The following DNAAF9 variants were observed in gnomAD, a reference collection of about 807,000 sequenced individuals.
DNAAF9 encodes the protein dynein axonemal assembly factor 9, also known as shulin.
Under a neutral mutation model 167.0 loss-of-function variants are expected in DNAAF9, and 90 were observed. The ratio of observed to expected loss-of-function variants is 0.54; its 90% CI spans 0.45 to 0.64. The LOEUF is 0.64. DNAAF9 is among the 30% of genes least tolerant of loss of function. DNAAF9 has a pLI of 0.00. For missense variants in DNAAF9, 1,315 were observed against 1,442.2 expected, an observed-to-expected ratio of 0.91 and a Z score of 1.43; for synonymous variants, 491 against 508.8, an observed-to-expected ratio of 0.96 and a Z score of 0.47.
intron 27 of DNAAF9, among the ~76,000 whole-genome samples, chr20:3,284,383 T>A (rs6051712): frequency 0.21 from 31,252 of 151,840 alleles, 3,517 homozygotes; most frequent in African/African-American, 0.28. Context: ...GGTTTCCTCA[T>A]GTTGCTCAGG....
intron 23 of DNAAF9, chr20:3,296,262 CTG>C: frequency 4.6e-6 from 2 of 435,522 alleles, no homozygotes; most frequent in Non-Finnish European, 9.0e-6. Flanking sequence ...GAGTAAGACA[CTG>C]GGCGCCCCCC....
At chr20:3,341,146 TC>T (rs2070077310) in intron 9 of DNAAF9, among the ~76,000 whole-genome samples, 1 of 152,004 alleles carries the variant, frequency 6.6e-6, no homozygotes. Context: ...TTCCTCCCTG[TC>T]CTCTTGGCTG....
chr20:3,341,846 C>T (rs1165174893), intron 9 of DNAAF9, among the ~76,000 whole-genome samples: 4 of 152,044 alleles, frequency 2.6e-5, no homozygotes, highest in African/African-American at 7.2e-5. Flanking sequence ...GGCGCGATCT[C>T]GGCTCACTGC....
chr20:3,325,143 T>C (rs546278200), intron 13 of DNAAF9, among the ~76,000 whole-genome samples, 175 bp from the exon 14 acceptor site: 2 of 152,270 alleles, frequency 1.3e-5, no homozygotes, highest in East Asian at 3.9e-4. Flanking sequence ...AAGTATCATG[T>C]TAAGGGAAAG....
intron 1 of DNAAF9, among the ~76,000 whole-genome samples, chr20:3,389,273 G>C (rs1332785932): frequency 6.6e-6 from 1 of 151,964 alleles, no homozygotes; most frequent in Non-Finnish European, 1.5e-5. Flanking sequence ...AGCCTCTTGA[G>C]TAGCTGGGGC....
At chr20:3,264,250 A>T (rs1403644090) in intron 31 of DNAAF9, among the ~76,000 whole-genome samples, 188 bp downstream of exon 31, 2 of 152,260 alleles carry the variant, frequency 1.3e-5, no homozygotes, top group African/African-American at 4.8e-5. Context: ...TTTGGAGCCC[A>T]AGAGGTGGAG....
chr20:3,285,418 C>T (rs1307500241), intron 27 of DNAAF9, among the ~76,000 whole-genome samples: 1 of 152,088 alleles, frequency 6.6e-6, no homozygotes, highest in Admixed American at 6.6e-5. Flanking sequence ...GTGGCTCACA[C>T]CTGTAATCCC....
intron 10 of DNAAF9, among the ~76,000 whole-genome samples, chr20:3,333,865 G>C (rs969096761): frequency 6.6e-6 from 1 of 152,074 alleles, no homozygotes; most frequent in Non-Finnish European, 1.5e-5. Context: ...CAGTAGAATG[G>C]GATCTATACA....
At chr20:3,297,094 A>T (rs748757590) in intron 22 of DNAAF9, 145 bp from the exon 23 acceptor site, 1 of 623,512 alleles carries the variant, frequency 1.6e-6, no homozygotes, top group Non-Finnish European at 2.9e-6. Flanking sequence ...TCAAAAATAG[A>T]GGCCTGAAGC....
chr20:3,318,104 C>CTT (rs751838555), intron 17 of DNAAF9, among the ~76,000 whole-genome samples, 185 bp downstream of exon 17: 6 of 132,840 alleles, frequency 4.5e-5, no homozygotes, highest in South Asian at 2.4e-4. Flanking sequence ...TAATGTTTCT[C>CTT]TTTTTTTTTT....
In DNAAF9 at chr20:3,392,512, G is replaced by T. The variant is rs1022734438; in HGVS notation, c.84-10006C>A. On this transcript the variant is annotated intron_variant, in intron 1 of 36. Coordinates refer to ENST00000252032, the MANE Select transcript of DNAAF9 (RefSeq NM_001009984.3). Reference sequence around the variant, plus strand: ...ACATCATCAGAACCTAAGTGAGCAGGTACCCTGACTCTGAACTTTTTCTTT... The same window carrying T: ...ACATCATCAGAACCTAAGTGAGCAGTTACCCTGACTCTGAACTTTTTCTTT... Among the ~76,000 whole-genome samples, 3 of 152,178 alleles carry T rather than the reference G, an allele frequency of 2.0e-5. No homozygotes were observed. The East Asian group carries it at 5.8e-4, about 29-fold the overall frequency.
chr20:3,362,120 T>C (rs2083372081), intron 6 of DNAAF9: 1 of 1,389,436 alleles, frequency 7.2e-7, no homozygotes, highest in South Asian at 1.2e-5. Context: ...CCATATTCTA[T>C]TTTAAGGCTG....
chr20:3,361,236 C>G (rs1300791364), intron 6 of DNAAF9, among the ~76,000 whole-genome samples: 1 of 152,130 alleles, frequency 6.6e-6, no homozygotes, highest in Non-Finnish European at 1.5e-5. Context: ...GGGGAAAGCT[C>G]TGAATTCCTC....
intron 1 of DNAAF9, among the ~76,000 whole-genome samples, chr20:3,399,786 A>C (rs2083958983): frequency 6.6e-6 from 1 of 152,198 alleles, no homozygotes; most frequent in Non-Finnish European, 1.5e-5. Context: ...ACACAAACAC[A>C]GAAGAGGCCT....
Position 3,315,587 on chromosome 20 carries a change from G to T in DNAAF9, c.1590+148C>A. 1 of 684,922 alleles carries T rather than the reference G, an allele frequency of 1.5e-6. No individual in the cohort carries two copies. Among genetic ancestry groups the T allele is most frequent in the Non-Finnish European group, 2.6e-6 (1 of 382,374 alleles). The allele number at this position is 684,922 out of a possible 1,614,324, so 42.4% of individuals were successfully genotyped here. ...AATGGTTATTTCTAAAGCTCTGCTG[G>T]GAAGGGGAGGAATGCAAATAGGAAG... On this transcript the variant is annotated intron_variant, in intron 19 of 36. Coordinates refer to ENST00000252032, the MANE Select transcript of DNAAF9 (RefSeq NM_001009984.3). This position sits in a 1 kb window ranked among gnomAD's most constrained non-coding sequence, Gnocchi z 4.1.
At chr20:3,376,668 A>C (rs1045681379) in intron 3 of DNAAF9, among the ~76,000 whole-genome samples, 7 of 152,226 alleles carry the variant, frequency 4.6e-5, no homozygotes, top group Non-Finnish European at 1.0e-4. Context: ...TTGGTCCAGA[A>C]AGTCGGGGTC....
chr20:3,407,509 G>T lies in DNAAF9; in HGVS notation c.49C>A (p.Pro17Thr). The stretch of plus-strand genomic sequence containing the variant: ...GGTGACCCGCGGCTGGAGCCGCCAG[G>T]GGACCGAGCGCGGGGCAGCCCCTGC... ...RRQGLPRARS[P>T]GGSSRGSPSV... Residue 17 changes from proline (P) to threonine (T), a missense_variant, in exon 1 of 37, where the codon CCT (proline) becomes ACT (threonine). Physicochemically the swap from Pro to Thr is conservative, Grantham distance 38. Around this residue, in one of 2 missense-constraint regions of DNAAF9, gnomAD observed 981 missense variants for 1,012.5 expected, o/e 0.97. Transcript: ENST00000252032. 1 of 1,278,128 alleles carries T rather than the reference G, an allele frequency of 7.8e-7. No homozygotes were observed. The highest frequency in any genetic ancestry group is 2.7e-5 in the South Asian group (1 of 36,524). 79.2% of individuals were successfully genotyped at this position (1,278,128 alleles called of 1,614,324 possible). A position where few individuals can be genotyped will look rare whatever the true frequency, so the allele number is the denominator to read the frequency against.
At chr20:3,400,451 C>T (rs983726603) in intron 1 of DNAAF9, among the ~76,000 whole-genome samples, 1 of 144,712 alleles carries the variant, frequency 6.9e-6, no homozygotes, top group East Asian at 2.0e-4. Flanking sequence ...GGGGAAGCTG[C>T]GTGAAGAGTA....
chr20:3,354,283 T>C (rs1022842050), intron 7 of DNAAF9, among the ~76,000 whole-genome samples: 1 of 152,200 alleles, frequency 6.6e-6, no homozygotes, highest in African/African-American at 2.4e-5. Context: ...ATGGATACTG[T>C]TGTAAGTAAG....
Sources: gnomAD v4.1 joint callset for allele counts (sites outside exome capture counted in the v4.1 genomes callset) on GRCh38, gnomAD v4.1.1 for gene constraint, gnomAD v4.1.1 regional missense constraint, Gnocchi (gnomAD v3.1) non-coding constraint, MANE v1.5 for transcripts, NCBI Gene and HGNC (gene_info 2026-07-23, HGNC 2026-07-21) for gene names.